Variants in SPATA17 observed in about 807,000 individuals in gnomAD.
The protein encoded by SPATA17 is spermatogenesis-associated protein 17.
In SPATA17, 53 loss-of-function variants were observed where a neutral mutation model predicts 62.2. The ratio of observed to expected loss-of-function variants is 0.85; its 90% CI spans 0.68 to 1.07. The LOEUF is 1.07. Among genes scored for constraint, SPATA17 ranks in the 50% least tolerant of loss-of-function variants. SPATA17 has a pLI of 0.00. For synonymous variants in SPATA17, 146 were observed against 146.8 expected, an observed-to-expected ratio of 0.99 and a Z score of 0.04; for missense variants, 466 against 425.5, an observed-to-expected ratio of 1.10 and a Z score of -0.84.
chr1:217,682,652 G>C (rs989306794), intron 4 of SPATA17, among the ~76,000 whole-genome samples: 2 of 151,968 alleles, frequency 1.3e-5, no homozygotes, highest in Non-Finnish European at 2.9e-5. Context: ...CTGTAAATGA[G>C]GTAATGAGTA....
intron 3 of SPATA17, among the ~76,000 whole-genome samples, chr1:217,665,956 A>G (rs961925492): frequency 3.3e-5 from 5 of 152,196 alleles, no homozygotes; most frequent in Admixed American, 1.3e-4. Context: ...AATTCTTCCT[A>G]TCCTATCTGA....
rs561345292 is a variant in SPATA17 at position 217,805,822 on chromosome 1, T to G, written c.1005+3972T>G. Among the ~76,000 whole-genome samples the G allele has an allele frequency of 7.9e-4, 121 of 152,354 alleles. 1 individual carries two copies. Among genetic ancestry groups the G allele is most frequent in the Non-Finnish European group, 1.2e-3 (79 of 68,026 alleles). ...TATTGGCAAGGATATGCTGTGTTCA[T>G]GGACTGAAAGAATTTAATATTGTTA... On this transcript the variant is annotated intron_variant, in intron 9 of 10. Coordinates refer to ENST00000366933, the MANE Select transcript of SPATA17 (RefSeq NM_138796.4).
chr1:217,686,200 TGGGGA>T (rs1671211502), intron 5 of SPATA17, among the ~76,000 whole-genome samples: 1 of 152,102 alleles, frequency 6.6e-6, no homozygotes, highest in Non-Finnish European at 1.5e-5. Flanking sequence ...TTTTTTGATA[TGGGGA>T]TTACTAGTCT....
At chr1:217,848,000 C>T (rs1571841733) in intron 9 of SPATA17, among the ~76,000 whole-genome samples, 1 of 152,152 alleles carries the variant, frequency 6.6e-6, no homozygotes, top group Admixed American at 6.5e-5. Context: ...GGTACTACTG[C>T]TCTCCAGCCT....
intron 6 of SPATA17, among the ~76,000 whole-genome samples, chr1:217,761,733 A>T (rs1470981806): frequency 2.0e-5 from 3 of 152,168 alleles, no homozygotes; most frequent in African/African-American, 7.2e-5. Flanking sequence ...TTTTTCAAGG[A>T]TCAGTAAAAT....
intron 5 of SPATA17, among the ~76,000 whole-genome samples, chr1:217,730,365 C>T (rs1041239121): frequency 1.3e-5 from 2 of 151,828 alleles, no homozygotes; most frequent in Non-Finnish European, 2.9e-5. Flanking sequence ...TACAGGCACG[C>T]ACCACCACAC....
chr1:217,755,114 G>A (rs1325837654), intron 6 of SPATA17, among the ~76,000 whole-genome samples: 1 of 151,812 alleles, frequency 6.6e-6, no homozygotes, highest in Non-Finnish European at 1.5e-5. Flanking sequence ...TTGTGTATTT[G>A]TTACAATTAC....
intron 3 of SPATA17, among the ~76,000 whole-genome samples, chr1:217,653,834 T>C (rs934194268): frequency 6.6e-6 from 1 of 152,174 alleles, no homozygotes; most frequent in Non-Finnish European, 1.5e-5. Flanking sequence ...ACCCATATTT[T>C]CTATTTAAAG....
chr1:217,846,523 G>A (rs964130837), intron 9 of SPATA17, among the ~76,000 whole-genome samples: 13 of 151,936 alleles, frequency 8.6e-5, no homozygotes, highest in African/African-American at 2.9e-4. Context: ...AATTACCTGT[G>A]GGGGATTTTC....
intron 1 of SPATA17, among the ~76,000 whole-genome samples, chr1:217,647,137 CAT>C: frequency 6.6e-6 from 1 of 152,338 alleles, no homozygotes; most frequent in South Asian, 2.1e-4. Flanking sequence ...CAGTGCCTGA[CAT>C]ATAAGGTTTT....
Position 217,807,691 on chromosome 1 carries a change from G to A in SPATA17, c.1005+5841G>A, listed in dbSNP as rs146124325. The stretch of plus-strand genomic sequence containing the variant: ...AAGGGCTTCAGAATTAAGAACATTA[G>A]TCAAAAAACATGATATATAAAGGAA... On this transcript the variant is annotated intron_variant, in intron 9 of 10. Coordinates refer to ENST00000366933, the MANE Select transcript of SPATA17 (RefSeq NM_138796.4). 5.9e-3 allele frequency among the ~76,000 whole-genome samples: 902 copies of A among 151,964 alleles called. 4 individuals are homozygous for A. The highest frequency in any genetic ancestry group is 0.02 in the African/African-American group (837 of 41,488).
At chr1:217,859,550 G>A (rs1193321958) in intron 9 of SPATA17, among the ~76,000 whole-genome samples, 1 of 151,940 alleles carries the variant, frequency 6.6e-6, no homozygotes, top group African/African-American at 2.4e-5. Flanking sequence ...TGGGACTACA[G>A]GTGTACACCA....
chr1:217,869,754 C>G lies in SPATA17; in HGVS notation c.*2735C>G, dbSNP rs1283579497. 6 of 151,814 alleles carry G rather than the reference C, an allele frequency of 4.0e-5. No homozygotes were observed. The highest frequency in any genetic ancestry group is 5.9e-5 in the Non-Finnish European group (4 of 67,954). The allele number at this position is 151,814 out of a possible 1,614,324, so 9.4% of individuals were successfully genotyped here. ...TGAAGCATGTCCAATTCCCCATGCC[C>G]CACCCCCACCCCCACATCCTATAAT... On this transcript the variant is annotated 3_prime_UTR_variant, in exon 11 of 11. Coordinates refer to ENST00000366933, the MANE Select transcript of SPATA17 (RefSeq NM_138796.4).
chr1:217,706,599 G>GT (rs1287791955), intron 5 of SPATA17, among the ~76,000 whole-genome samples: 4 of 152,176 alleles, frequency 2.6e-5, no homozygotes, highest in Non-Finnish European at 5.9e-5. Context: ...TGCCATGATT[G>GT]TAAGTTTCCT....
intron 8 of SPATA17, among the ~76,000 whole-genome samples, chr1:217,798,994 G>A (rs56040774): frequency 0.024 from 3,637 of 151,052 alleles, 139 homozygotes; most frequent in African/African-American, 0.083. Context: ...AAAGAATATC[G>A]TTTTAAAGTA....
At chr1:217,651,457 A>G (rs1185565707) in intron 3 of SPATA17, among the ~76,000 whole-genome samples, 1 of 152,206 alleles carries the variant, frequency 6.6e-6, no homozygotes, top group Non-Finnish European at 1.5e-5. Context: ...ATTGATGGTT[A>G]TCTGTACTTT....
intron 5 of SPATA17, among the ~76,000 whole-genome samples, chr1:217,691,715 C>A (rs1671358115): frequency 2.3e-5 from 1 of 42,924 alleles, no homozygotes; most frequent in Admixed American, 3.5e-4. Flanking sequence ...ATATGGCTAG[C>A]CAGTTTTCCC....
chr1:217,667,268 C>T (rs1419431770), intron 3 of SPATA17, among the ~76,000 whole-genome samples: 4 of 151,800 alleles, frequency 2.6e-5, no homozygotes, highest in East Asian at 1.9e-4. Flanking sequence ...AGGCTGGTCT[C>T]GAACTCCTGA....
At chr1:217,731,969 T>C (rs1436285098) in intron 5 of SPATA17, among the ~76,000 whole-genome samples, 1 of 152,174 alleles carries the variant, frequency 6.6e-6, no homozygotes, top group Non-Finnish European at 1.5e-5. Context: ...AATCACTTTT[T>C]AATTACCCCT....
Sources: allele counts gnomAD v4.1 joint callset (sites outside exome capture counted in the v4.1 genomes callset), GRCh38; gene constraint gnomAD v4.1.1; transcripts MANE v1.5; gene names NCBI Gene and HGNC (gene_info 2026-07-23, HGNC 2026-07-21).